BANK1: variants seen among roughly 807,000 people sequenced by gnomAD.
BANK1 encodes the protein B cell scaffold protein with ankyrin repeats 1.
Under a neutral mutation model 94.5 loss-of-function variants are expected in BANK1, and 95 were observed. The ratio of observed to expected loss-of-function variants is 1.00; its 90% CI spans 0.85 to 1.19. BANK1 has a LOEUF of 1.19. Among genes scored for constraint, BANK1 ranks in the 50% most tolerant of loss-of-function variants. BANK1 has a pLI of 0.00. For missense variants in BANK1, 987 were observed against 932.2 expected (o/e 1.06, Z -0.77); for synonymous variants, 334 against 308.4 (o/e 1.08, Z -0.87).
chr4:101,807,005 G>T (rs1036962988), intron 1 of BANK1, among the ~76,000 whole-genome samples: 2 of 152,154 alleles, frequency 1.3e-5, no homozygotes, highest in Admixed American at 6.5e-5. Flanking sequence ...TCAGCCATGA[G>T]AACTAGTTAG....
chr4:101,888,387 C>T (rs1448037143), intron 5 of BANK1, among the ~76,000 whole-genome samples: 1 of 152,198 alleles, frequency 6.6e-6, no homozygotes, highest in Non-Finnish European at 1.5e-5. Flanking sequence ...AGCCCCCTCT[C>T]CCAGTACCCC....
intron 11 of BANK1, among the ~76,000 whole-genome samples, chr4:102,050,061 A>C (rs192594034): frequency 3.5e-4 from 54 of 152,344 alleles, no homozygotes; most frequent in African/African-American, 1.3e-3. Flanking sequence ...CCTCATGTCA[A>C]GTGTTGAACA....
intron 1 of BANK1, among the ~76,000 whole-genome samples, chr4:101,810,926 TGTAC>T (rs1431746603): frequency 6.6e-6 from 1 of 152,194 alleles, no homozygotes; most frequent in African/African-American, 2.4e-5. Flanking sequence ...TTATTACTGC[TGTAC>T]GTATCAATGA....
chr4:101,986,899 G>GTGTGTGTGTGTATATATATA lies in BANK1; in HGVS notation c.1207-34614_1207-34613insGTGTGTGTGTATATATATAT, dbSNP rs1343197093. Reference sequence around the variant, plus strand: ...TGTGTGTGTGTGTGTGTGTGTGTGTGTATATATATATATATATATATATAT... The same window carrying GTGTGTGTGTGTATATATATA: ...TGTGTGTGTGTGTGTGTGTGTGTGTGTGTGTGTGTGTATATATATATATATATATATATATATATATATAT... On this transcript the variant is annotated intron_variant, in intron 7 of 16. Coordinates refer to ENST00000322953, the MANE Select transcript of BANK1 (RefSeq NM_017935.5). Among the ~76,000 whole-genome samples the GTGTGTGTGTGTATATATATA allele has an allele frequency of 6.0e-5, 5 of 82,658 alleles. 1 individual carries two copies. The highest frequency in any genetic ancestry group is 3.2e-4 in the African/African-American group (5 of 15,548). The allele number at this position is 82,658 out of a possible 152,430, so 54.2% of individuals were successfully genotyped here. A position where few individuals can be genotyped will look rare whatever the true frequency, so the allele number is the denominator to read the frequency against.
At chr4:102,068,884 A>G (rs985223395) in intron 13 of BANK1, among the ~76,000 whole-genome samples, 1 of 152,158 alleles carries the variant, frequency 6.6e-6, no homozygotes, top group African/African-American at 2.4e-5. Context: ...CAATACATTT[A>G]ACAACTTAGA....
chr4:101,868,117 G>A (rs139415697), intron 4 of BANK1, among the ~76,000 whole-genome samples: 3 of 152,038 alleles, frequency 2.0e-5, no homozygotes, highest in African/African-American at 7.2e-5. Context: ...AAAAGTGAAA[G>A]GGTTGGAGCA....
intron 6 of BANK1, among the ~76,000 whole-genome samples, chr4:101,901,288 CA>C (rs1198240802): frequency 2.0e-5 from 3 of 152,044 alleles, no homozygotes; most frequent in African/African-American, 4.8e-5. Flanking sequence ...TATAAAGCCA[CA>C]AAATATCTAA....
chr4:101,966,343 A>G (rs1050108676), intron 7 of BANK1, among the ~76,000 whole-genome samples: 2 of 152,046 alleles, frequency 1.3e-5, no homozygotes, highest in East Asian at 3.9e-4. Context: ...TTTCAATGCC[A>G]GGGAGCAAGG....
chr4:101,896,550 G>A (rs1722086231), intron 6 of BANK1, among the ~76,000 whole-genome samples: 1 of 151,934 alleles, frequency 6.6e-6, no homozygotes, highest in African/African-American at 2.4e-5. Flanking sequence ...CTGTGAATAA[G>A]TAGTCTTGTG....
chr4:101,987,352 T>C (rs1725548031), intron 7 of BANK1, among the ~76,000 whole-genome samples: 2 of 152,152 alleles, frequency 1.3e-5, no homozygotes, highest in South Asian at 4.1e-4. Context: ...CCCTCATTTA[T>C]AAGTGAGGAA....
intron 7 of BANK1, among the ~76,000 whole-genome samples, chr4:101,956,303 TTC>T (rs1724336924): frequency 6.6e-6 from 1 of 152,218 alleles, no homozygotes; most frequent in Admixed American, 6.5e-5. Flanking sequence ...TATCCTGTAT[TTC>T]CATGGAAACC....
intron 1 of BANK1, among the ~76,000 whole-genome samples, chr4:101,808,687 G>A (rs1725642920): frequency 6.6e-6 from 1 of 152,000 alleles, no homozygotes; most frequent in South Asian, 2.1e-4. Context: ...CAAAAAGGGG[G>A]CAAAGGACAT....
At chr4:101,877,577 C>T (rs939478488) in intron 5 of BANK1, among the ~76,000 whole-genome samples, 23 of 117,196 alleles carry the variant, frequency 2.0e-4, no homozygotes, top group Non-Finnish European at 3.8e-4. Flanking sequence ...TATTTTTGCT[C>T]GTATGTTTGT....
chr4:101,995,506 C>T (rs1174151939), intron 7 of BANK1, among the ~76,000 whole-genome samples: 94 of 152,056 alleles, frequency 6.2e-4, no homozygotes, highest in African/African-American at 2.1e-3. Flanking sequence ...TTCTAGATCC[C>T]TGAGGAATCG....
intron 7 of BANK1, among the ~76,000 whole-genome samples, chr4:101,919,101 T>C: frequency 6.6e-6 from 1 of 151,952 alleles, no homozygotes; most frequent in East Asian, 1.9e-4. Flanking sequence ...TTTTCATAAT[T>C]GTTCACTGTA....
At chr4:101,862,701 A>T (rs762699094) in intron 4 of BANK1, 37 bp downstream of exon 4, 4 of 1,539,648 alleles carry the variant, frequency 2.6e-6, no homozygotes, top group Middle Eastern at 1.7e-4. Context: ...ATAAAACATT[A>T]TCCTGAGTTC....
chr4:101,893,434 A>G (rs1343938028), intron 5 of BANK1, among the ~76,000 whole-genome samples: 2 of 152,062 alleles, frequency 1.3e-5, no homozygotes, highest in Non-Finnish European at 2.9e-5. Flanking sequence ...GGAGCTCCTC[A>G]TGTAAAAATG....
intron 1 of BANK1, among the ~76,000 whole-genome samples, chr4:101,815,744 T>A (rs1010173585): frequency 6.6e-6 from 1 of 152,030 alleles, no homozygotes; most frequent in Admixed American, 6.6e-5. Flanking sequence ...GACATGTTTT[T>A]TTAAATCCAA....
At chr4:101,801,611 G>A (rs2148850466) in intron 1 of BANK1, among the ~76,000 whole-genome samples, 2 of 152,274 alleles carry the variant, frequency 1.3e-5, no homozygotes, top group Middle Eastern at 3.4e-3. Context: ...TTTTCATAGT[G>A]ATATTTTGCT....
Sources: allele counts gnomAD v4.1 joint callset (sites outside exome capture counted in the v4.1 genomes callset), GRCh38; gene constraint gnomAD v4.1.1; transcripts MANE v1.5; gene names NCBI Gene and HGNC (gene_info 2026-07-23, HGNC 2026-07-21).